Variants in RANBP2 observed in about 807,000 individuals in gnomAD.
RANBP2 encodes the protein E3 SUMO-protein ligase RanBP2.
In RANBP2, 57 loss-of-function variants were observed where a neutral mutation model predicts 303.6. The observed-to-expected ratio is 0.19, with a 90% CI of 0.15 to 0.23. The LOEUF (loss-of-function observed/expected upper bound fraction) is 0.23, where lower values mean the gene tolerates loss of function less well. RANBP2 is among the 10% of genes least tolerant of loss of function. The probability of loss-of-function intolerance (pLI) is 1.00; values close to 1 mark genes in which losing one functional copy is unlikely to be tolerated. For synonymous variants in RANBP2, 1,167 were observed against 1,301.5 expected (o/e 0.90, Z 2.23); for missense variants, 3,138 against 3,780.8 (o/e 0.83, Z 4.46).
chr2:108,804,022 C>T, the RANBP2 span, among the ~76,000 whole-genome samples: 8 of 152,030 alleles, frequency 5.3e-5, no homozygotes, highest in African/African-American at 1.2e-4. Context: ...GGATTTTTTT[C>T]ACAGGGCTAA....
At chr2:109,532,040 C>G in the RANBP2 span, among the ~76,000 whole-genome samples, 1 of 152,214 alleles carries the variant, frequency 6.6e-6, no homozygotes, top group African/African-American at 2.4e-5. Context: ...CACACGGGAC[C>G]CCACGGCACC....
chr2:109,575,839 C>A, the RANBP2 span, among the ~76,000 whole-genome samples: 1 of 152,100 alleles, frequency 6.6e-6, no homozygotes, highest in African/African-American at 2.4e-5. Flanking sequence ...TAAAGTTGCC[C>A]GACCTTTTAG....
chr2:108,972,691 T>C, the RANBP2 span, among the ~76,000 whole-genome samples: 2 of 152,236 alleles, frequency 1.3e-5, no homozygotes, highest in Non-Finnish European at 2.9e-5. Flanking sequence ...CTTGACGTGA[T>C]CATTTGAAAA....
chr2:108,962,674 CA>C, the RANBP2 span, among the ~76,000 whole-genome samples: 49,759 of 66,178 alleles, frequency 0.75, 19,328 homozygotes, highest in Middle Eastern at 0.87. Flanking sequence ...GACTCTGTCT[CA>C]AAAAAAAAAA....
At chr2:109,640,071 A>G in the RANBP2 span, among the ~76,000 whole-genome samples, 3 of 151,868 alleles carry the variant, frequency 2.0e-5, no homozygotes, top group Non-Finnish European at 4.4e-5. Context: ...AAAGCTGTGA[A>G]TATCTCTTTC....
At chr2:109,184,372 T>A in the RANBP2 span, among the ~76,000 whole-genome samples, 31 of 152,318 alleles carry the variant, frequency 2.0e-4, no homozygotes, top group South Asian at 6.2e-3. Flanking sequence ...CCTAGCAGGA[T>A]GAAATGCAGA....
the RANBP2 span, among the ~76,000 whole-genome samples, chr2:109,435,946 T>G: frequency 1.3e-5 from 2 of 152,132 alleles, no homozygotes; most frequent in Non-Finnish European, 2.9e-5. Flanking sequence ...AGGTGAGTCC[T>G]TTTCCAAGAG....
chr2:109,547,945 G>A, the RANBP2 span, among the ~76,000 whole-genome samples: 1 of 152,176 alleles, frequency 6.6e-6, no homozygotes, highest in East Asian at 1.9e-4. Flanking sequence ...CACATGTGCT[G>A]GGGTAACTGT....
the RANBP2 span, among the ~76,000 whole-genome samples, chr2:109,005,805 G>A: frequency 1.3e-5 from 2 of 152,304 alleles, no homozygotes; most frequent in African/African-American, 4.8e-5. Flanking sequence ...CGTTATCCCT[G>A]TATTTTCCTG....
the RANBP2 span, among the ~76,000 whole-genome samples, chr2:109,080,883 G>T: frequency 6.6e-6 from 1 of 152,234 alleles, no homozygotes; most frequent in Non-Finnish European, 1.5e-5. Flanking sequence ...AAAAGGAACA[G>T]AAATGTATTA....
At chr2:108,864,377 T>G in the RANBP2 span, among the ~76,000 whole-genome samples, 3 of 152,326 alleles carry the variant, frequency 2.0e-5, no homozygotes, top group African/African-American at 7.2e-5. Flanking sequence ...GGTAACACAT[T>G]CAAGGCCAGT....
the RANBP2 span, among the ~76,000 whole-genome samples, chr2:109,744,097 T>C: frequency 9.8e-6 from 1 of 101,806 alleles, no homozygotes; most frequent in African/African-American, 2.7e-5. Flanking sequence ...TGAGTGCAAG[T>C]GTCTTTTTGG....
chr2:109,275,848 T>C, the RANBP2 span, among the ~76,000 whole-genome samples: 1 of 152,306 alleles, frequency 6.6e-6, no homozygotes, highest in South Asian at 2.1e-4. Context: ...TCTAGGATTT[T>C]CCCTTCAAGG....
chr2:109,693,954 T>A, the RANBP2 span, among the ~76,000 whole-genome samples: 1 of 152,102 alleles, frequency 6.6e-6, no homozygotes, highest in African/African-American at 2.4e-5. Context: ...AACCTTTAAT[T>A]TGTAAAAAAT....
chr2:109,572,921 C>A, the RANBP2 span, among the ~76,000 whole-genome samples: 1 of 152,058 alleles, frequency 6.6e-6, no homozygotes, highest in Non-Finnish European at 1.5e-5. Flanking sequence ...AGCCCAACAA[C>A]CTTCTTATGT....
At chr2:109,547,482 T>C in the RANBP2 span, among the ~76,000 whole-genome samples, 1 of 151,942 alleles carries the variant, frequency 6.6e-6, no homozygotes, top group Non-Finnish European at 1.5e-5. Flanking sequence ...AGATTTCTCT[T>C]AAGTGAAAAA....
chr2:108,981,198 C>T, the RANBP2 span, among the ~76,000 whole-genome samples: 10 of 152,292 alleles, frequency 6.6e-5, no homozygotes, highest in South Asian at 1.5e-3. Context: ...GATGATCTGA[C>T]GTTCCACCAC....
the RANBP2 span, among the ~76,000 whole-genome samples, chr2:109,429,212 T>C: frequency 6.4e-4 from 97 of 152,244 alleles, no homozygotes; most frequent in African/African-American, 2.3e-3. Context: ...GCAGATGCAG[T>C]TGACCCCCAC....
At chr2:108,870,699 A>G in the RANBP2 span, among the ~76,000 whole-genome samples, 7 of 152,374 alleles carry the variant, frequency 4.6e-5, no homozygotes, top group East Asian at 3.9e-4. Context: ...CCTGGAAGAC[A>G]TTATGCTAAA....
Sources: gnomAD v4.1 joint callset for allele counts (sites outside exome capture counted in the v4.1 genomes callset) on GRCh38, gnomAD v4.1.1 for gene constraint, MANE v1.5 for transcripts, NCBI Gene and HGNC (gene_info 2026-07-23, HGNC 2026-07-21) for gene names.